DNAAF4: variants seen among roughly 807,000 people sequenced by gnomAD.
The protein encoded by DNAAF4 is dynein axonemal assembly factor 4, also known as dynein assembly factor 4, axonemal.
A neutral mutation model predicts 51.8 loss-of-function variants in DNAAF4; 43 were observed. The ratio of observed to expected loss-of-function variants is 0.83; its 90% CI spans 0.65 to 1.07. DNAAF4 has a LOEUF of 1.07. DNAAF4 is among the 50% of genes least tolerant of loss of function. The probability of loss-of-function intolerance (pLI) is 0.00; values close to 1 mark genes in which losing one functional copy is unlikely to be tolerated. For synonymous variants in DNAAF4, 194 were observed against 165.6 expected, an observed-to-expected ratio of 1.17 and a Z score of -1.32; for missense variants, 581 against 493.0, an observed-to-expected ratio of 1.18 and a Z score of -1.69.
At chr15:55,425,815 T>C (rs2057425977), downstream of DNAAF4, among the ~76,000 whole-genome samples, 1 of 152,174 alleles carries the variant, frequency 6.6e-6, no homozygotes, top group Non-Finnish European at 1.5e-5. Context: ...ATGTGTTAAA[T>C]AAAATGTATG....
downstream of DNAAF4, among the ~76,000 whole-genome samples, chr15:55,427,631 A>G (rs1186584613): frequency 2.0e-5 from 3 of 151,562 alleles, no homozygotes; most frequent in East Asian, 5.9e-4. Flanking sequence ...AGCCTCCAGC[A>G]GTATGACTTC....
At position 55,498,355 on chromosome 15, in the gene DNAAF4, G is replaced by T; in HGVS notation, c.-26C>A. The T allele has an allele frequency of 4.4e-6, 7 of 1,590,510 alleles. No homozygotes were observed. The highest frequency in any genetic ancestry group is 5.2e-6 in the Non-Finnish European group (6 of 1,164,852). ...TCCGGTAGCAACGGGAGCGGATAGC[G>T]CGGCTGGTTGCTTCTTGCGCCTGCT... On this transcript the variant is annotated 5_prime_UTR_variant, in exon 2 of 10. Coordinates refer to ENST00000321149, the MANE Select transcript of DNAAF4 (RefSeq NM_130810.4).
chr15:55,498,182 C>G, intron 2 of DNAAF4, 25 bp downstream of exon 2: 2 of 1,614,014 alleles, frequency 1.2e-6, no homozygotes, highest in Non-Finnish European at 1.7e-6. Flanking sequence ...CCCCGGAGAC[C>G]GGCAGGCAAG....
intron 5 of DNAAF4, among the ~76,000 whole-genome samples, chr15:55,463,976 CA>C (rs1462345596): frequency 6.6e-6 from 1 of 151,936 alleles, no homozygotes; most frequent in African/African-American, 2.4e-5. Flanking sequence ...TCATATAGAA[CA>C]AAAAAAGAGC....
intron 4 of DNAAF4, among the ~76,000 whole-genome samples, chr15:55,481,175 A>G (rs2058404568): frequency 6.6e-6 from 1 of 152,170 alleles, no homozygotes; most frequent in South Asian, 2.1e-4. Context: ...CTTCATTAGC[A>G]GTGTGAGAAT....
chr15:55,469,471 A>ATGC (rs2058218849), intron 4 of DNAAF4, among the ~76,000 whole-genome samples: 2 of 70,430 alleles, frequency 2.8e-5, no homozygotes, highest in Non-Finnish European at 5.6e-5. Flanking sequence ...ATGCTTACCA[A>ATGC]TTCTTTTTTT....
At chr15:55,455,355 G>C (rs1339305892) in intron 5 of DNAAF4, among the ~76,000 whole-genome samples, 1 of 143,344 alleles carries the variant, frequency 7.0e-6, no homozygotes, top group East Asian at 2.1e-4. Context: ...GAAGATAAAT[G>C]TGACAACTGC....
intron 7 of DNAAF4, among the ~76,000 whole-genome samples, chr15:55,424,210 GC>G (rs1298701634): frequency 6.6e-6 from 1 of 152,144 alleles, no homozygotes; most frequent in Non-Finnish European, 1.5e-5. Flanking sequence ...GGGGAGTTCA[GC>G]CCCCTTTTCC....
chr15:55,432,094 TAC>T (rs2057505329), intron 9 of DNAAF4, among the ~76,000 whole-genome samples: 1 of 152,122 alleles, frequency 6.6e-6, no homozygotes, highest in Non-Finnish European at 1.5e-5. Context: ...TAGCTGGGAT[TAC>T]AGGCATGTGC....
At chr15:55,449,817 G>A (rs918587454) in intron 6 of DNAAF4, among the ~76,000 whole-genome samples, 2 of 136,946 alleles carry the variant, frequency 1.5e-5, no homozygotes, top group Non-Finnish European at 3.1e-5. Flanking sequence ...TCCTGCCCCA[G>A]CCCCGCTAGT....
intron 6 of DNAAF4, among the ~76,000 whole-genome samples, chr15:55,447,875 G>C (rs188227334): frequency 1.4e-5 from 2 of 147,196 alleles, no homozygotes; most frequent in Admixed American, 1.4e-4. Context: ...AGAGGGGAGA[G>C]GGGAGAGGGG....
At chr15:55,445,266 G>T (rs2057780069) in intron 6 of DNAAF4, among the ~76,000 whole-genome samples, 1 of 151,878 alleles carries the variant, frequency 6.6e-6, no homozygotes, top group Non-Finnish European at 1.5e-5. Flanking sequence ...CTGCCTTCAA[G>T]CGTCTGTTTA....
In DNAAF4 at chr15:55,498,404, A is replaced by T. The variant is rs2058669056; in HGVS notation, c.-75T>A. The T allele has an allele frequency of 6.5e-7, 1 of 1,549,182 alleles. No individual in the cohort carries two copies. On this transcript the variant is annotated 5_prime_UTR_variant, in exon 2 of 10. Transcript: ENST00000321149. Reference sequence around the variant, plus strand: ...CTTGGTTGCTAGGGAAGCTGGGGTTACCATGCGCCAGCCCTTCCGGGTCAG... The same window carrying T: ...CTTGGTTGCTAGGGAAGCTGGGGTTTCCATGCGCCAGCCCTTCCGGGTCAG...
rs369146806 is a variant in DNAAF4, at chr15:55,432,651, T to C, written c.1048-49A>G. ...ACAAGAAAGTTATAGTTTCTTAATT[T>C]AAACAAGCAAAAGGCTGGGCATGGT... On this transcript the variant is annotated intron_variant, in intron 8 of 9. Coordinates refer to ENST00000321149, the MANE Select transcript of DNAAF4 (RefSeq NM_130810.4). The C allele has an allele frequency of 1.5e-4, 221 of 1,523,118 alleles. 3 individuals are homozygous for C. In the Middle Eastern group the frequency reaches 1.6e-3, roughly 11 times the overall value. The allele number at this position is 1,523,118 out of a possible 1,614,324, so 94.4% of individuals were successfully genotyped here.
intron 1 of DNAAF4, among the ~76,000 whole-genome samples, chr15:55,501,340 G>A (rs2058696892): frequency 6.7e-6 from 1 of 149,124 alleles, no homozygotes; most frequent in South Asian, 2.1e-4. Flanking sequence ...GGGATTACAG[G>A]CGTGAGCCAC....
chr15:55,491,354 T>C (rs1567033153), intron 3 of DNAAF4, 98 bp from the exon 4 acceptor site: 2 of 1,222,528 alleles, frequency 1.6e-6, no homozygotes, highest in Non-Finnish European at 2.3e-6. Context: ...GAGATTTCTT[T>C]GTACCCAACT....
In DNAAF4 at chr15:55,474,323, A is replaced by G. The variant is rs547782149; in HGVS notation, c.406-7162T>C. ...GGCCGAGGTGGGCAGATCATGAGGTAAGGAGTTCAAGATCAGCCTGGCCAA... is the reference window on the plus strand; with the variant it reads ...GGCCGAGGTGGGCAGATCATGAGGTGAGGAGTTCAAGATCAGCCTGGCCAA... On this transcript the variant is annotated intron_variant, in intron 4 of 9. Transcript: ENST00000321149. Among the ~76,000 whole-genome samples, 106 of 152,134 alleles carry G rather than the reference A, an allele frequency of 7.0e-4. 1 individual carries two copies. The highest frequency in any genetic ancestry group is 1.0e-3 in the Non-Finnish European group (71 of 67,988).
chr15:55,438,002 C>T (rs1386262607), intron 7 of DNAAF4, among the ~76,000 whole-genome samples: 1 of 152,166 alleles, frequency 6.6e-6, no homozygotes, highest in East Asian at 1.9e-4. Flanking sequence ...TAAATAATAT[C>T]TATAGCCGCC....
At chr15:55,443,299 G>A (rs777312978) in intron 6 of DNAAF4, 49 of 1,401,342 alleles carry the variant, frequency 3.5e-5, no homozygotes, top group African/African-American at 5.8e-5. Flanking sequence ...CCTGCCTACC[G>A]GTGGCGGCTG....
Sources: allele counts gnomAD v4.1 joint callset (sites outside exome capture counted in the v4.1 genomes callset), GRCh38; gene constraint gnomAD v4.1.1; transcripts MANE v1.5; gene names NCBI Gene and HGNC (gene_info 2026-07-23, HGNC 2026-07-21).